Variants in KCNU1 observed in about 807,000 individuals in gnomAD.
The protein encoded by KCNU1 is potassium calcium-activated channel subfamily U member 1, also known as potassium channel subfamily U member 1.
A neutral mutation model predicts 126.8 loss-of-function variants in KCNU1; 93 were observed. That is an observed-to-expected ratio of 0.73 (90% CI 0.62 to 0.87). The LOEUF (loss-of-function observed/expected upper bound fraction) is 0.87. Ranked by LOEUF, KCNU1 falls within the 40% of genes least tolerant of loss-of-function variation. The pLI is 0.00. For missense variants in KCNU1, 1,330 were observed against 1,367.1 expected (o/e 0.97, Z 0.43); for synonymous variants, 523 against 494.2 (o/e 1.06, Z -0.77).
rs746071790 is a variant in KCNU1, at chr8:36,815,692, G to GT, written c.995+6dup. 8 of 1,484,332 alleles carry GT rather than the reference G, an allele frequency of 5.4e-6. No homozygotes were observed. The highest frequency in any genetic ancestry group is 6.5e-6 in the Non-Finnish European group (7 of 1,075,054). The allele number at this position is 1,484,332 out of a possible 1,614,324, so 91.9% of individuals were successfully genotyped here. A position where few individuals can be genotyped will look rare whatever the true frequency, so the allele number is the denominator to read the frequency against. Reference sequence around the variant, plus strand: ...TGAAGCACTCAAAGGAAAGAAGTAAGTAGTGTTTTAAGTATAATTTCTACA... The same window carrying GT: ...TGAAGCACTCAAAGGAAAGAAGTAAGTTAGTGTTTTAAGTATAATTTCTACA... On this transcript the variant is annotated splice_donor_region_variant and intron_variant, in intron 9 of 26. Transcript: ENST00000399881.
intron 10 of KCNU1, among the ~76,000 whole-genome samples, chr8:36,827,183 G>T (rs114290712): frequency 7.6e-4 from 116 of 152,246 alleles, no homozygotes; most frequent in African/African-American, 2.7e-3. Flanking sequence ...ACACAACAGG[G>T]CACTTCTGCC....
intron 19 of KCNU1, among the ~76,000 whole-genome samples, chr8:36,885,667 C>T (rs1488377251): frequency 6.6e-6 from 1 of 152,146 alleles, no homozygotes; most frequent in Non-Finnish European, 1.5e-5. Context: ...GTGGTGGGCG[C>T]TTGTAATCCC....
chr8:36,815,757 A>T (rs999316952), intron 9 of KCNU1, 70 bp downstream of exon 9: 1 of 887,540 alleles, frequency 1.1e-6, no homozygotes, highest in African/African-American at 1.7e-5. Flanking sequence ...CGTTCTAGAC[A>T]TCTATTGTCT....
intron 10 of KCNU1, among the ~76,000 whole-genome samples, chr8:36,823,778 C>T (rs1444421550): frequency 2.0e-5 from 3 of 150,770 alleles, no homozygotes; most frequent in African/African-American, 7.3e-5. Context: ...AAAAAATATG[C>T]CAGAATGTTT....
intron 24 of KCNU1, among the ~76,000 whole-genome samples, chr8:36,930,007 G>A (rs1025161790): frequency 6.6e-6 from 1 of 151,894 alleles, no homozygotes; most frequent in African/African-American, 2.4e-5. Flanking sequence ...AAAATAAATG[G>A]CAAATGAATA....
At chr8:36,933,290 A>G (rs1449088293) in intron 26 of KCNU1, among the ~76,000 whole-genome samples, 1 of 152,098 alleles carries the variant, frequency 6.6e-6, no homozygotes, top group Non-Finnish European at 1.5e-5. Flanking sequence ...ACACGGAGCT[A>G]GATTTTAAAT....
chr8:36,904,161 G>A (rs1807531133), intron 19 of KCNU1, among the ~76,000 whole-genome samples: 1 of 152,168 alleles, frequency 6.6e-6, no homozygotes, highest in Middle Eastern at 3.2e-3. Context: ...GTGTTAGAAT[G>A]AGATGGACTT....
chr8:36,797,304 CT>C lies in KCNU1; in HGVS notation c.316-6713del, dbSNP rs147539343. ...CCACTGGCTGATATTTACATTTCTA[CT>C]TTTTTTTTTATTACTTTAATTTATT... On this transcript the variant is annotated intron_variant, in intron 2 of 26. Coordinates refer to ENST00000399881, the MANE Select transcript of KCNU1 (RefSeq NM_001031836.3). Among the ~76,000 whole-genome samples the C allele has an allele frequency of 0.019, 2,782 of 148,986 alleles. 237 individuals are homozygous for C. The East Asian group carries it at 0.27, about 14-fold the overall frequency.
chr8:36,819,160 G>A (rs750111898), intron 10 of KCNU1, among the ~76,000 whole-genome samples: 37 of 151,864 alleles, frequency 2.4e-4, no homozygotes, highest in Admixed American at 5.2e-4. Flanking sequence ...TCTATACTCC[G>A]ATGCCTGCAA....
intron 19 of KCNU1, among the ~76,000 whole-genome samples, chr8:36,865,773 C>CAAAATAAA (rs1805886153): frequency 1.6e-5 from 1 of 61,386 alleles, no homozygotes; most frequent in Non-Finnish European, 2.7e-5. Context: ...AAGAGCTTGT[C>CAAAATAAA]AAAAAAAAAA....
chr8:36,867,347 A>C (rs754016811), intron 19 of KCNU1, among the ~76,000 whole-genome samples: 1 of 152,074 alleles, frequency 6.6e-6, no homozygotes, highest in African/African-American at 2.4e-5. Context: ...GGAATGTGGC[A>C]TTTTCCATGC....
intron 19 of KCNU1, among the ~76,000 whole-genome samples, chr8:36,900,732 A>T (rs1295832497): frequency 6.6e-6 from 1 of 152,122 alleles, no homozygotes; most frequent in Non-Finnish European, 1.5e-5. Context: ...CATCAAAGGC[A>T]TCTTGGGACA....
chr8:36,875,713 T>C (rs1473139197), intron 19 of KCNU1, among the ~76,000 whole-genome samples: 1 of 152,162 alleles, frequency 6.6e-6, no homozygotes, highest in African/African-American at 2.4e-5. Context: ...AAATTTCTAG[T>C]TCATAGAATA....
chr8:36,833,498 A>C (rs1804630279), intron 10 of KCNU1, 56 bp from the exon 11 acceptor site: 1 of 1,024,862 alleles, frequency 9.8e-7, no homozygotes, highest in Admixed American at 1.7e-5. Context: ...AAAACCTCTA[A>C]ACCCAGAGTC....
At chr8:36,815,521 T>A in intron 8 of KCNU1, 75 bp from the exon 9 acceptor site, 1 of 717,482 alleles carries the variant, frequency 1.4e-6, no homozygotes. Context: ...CTCCTTTTCC[T>A]TTCTAATCTT....
chr8:36,812,520 G>A (rs1398262447), intron 7 of KCNU1, among the ~76,000 whole-genome samples: 1 of 152,172 alleles, frequency 6.6e-6, no homozygotes, highest in Non-Finnish European at 1.5e-5. Flanking sequence ...AATGTTGATG[G>A]ACAGGTAAGG....
chr8:36,871,958 C>T (rs1340439121), intron 19 of KCNU1, among the ~76,000 whole-genome samples: 3 of 151,960 alleles, frequency 2.0e-5, no homozygotes, highest in East Asian at 1.9e-4. Flanking sequence ...GAAGGTTATG[C>T]GAAGCTTAGT....
chr8:36,881,211 A>C (rs1302167690), intron 19 of KCNU1, among the ~76,000 whole-genome samples: 1 of 152,108 alleles, frequency 6.6e-6, no homozygotes, highest in Non-Finnish European at 1.5e-5. Flanking sequence ...GAGAAAGTTA[A>C]CTCACTAAAA....
chr8:36,934,190 G>T (rs1015594366), intron 26 of KCNU1, among the ~76,000 whole-genome samples: 13 of 152,068 alleles, frequency 8.5e-5, no homozygotes, highest in African/African-American at 2.9e-4. Flanking sequence ...GGCCAGGAAA[G>T]TGATTTGGAA....
Sources: gnomAD v4.1 joint callset for allele counts (sites outside exome capture counted in the v4.1 genomes callset) on GRCh38, gnomAD v4.1.1 for gene constraint, MANE v1.5 for transcripts, NCBI Gene and HGNC (gene_info 2026-07-23, HGNC 2026-07-21) for gene names.